APLP2: variants seen among roughly 807,000 people sequenced by gnomAD.
The protein encoded by APLP2 is CDEI box-binding protein.
Under a neutral mutation model 89.9 loss-of-function variants are expected in APLP2, and 53 were observed. That is an observed-to-expected ratio of 0.59 (90% CI 0.47 to 0.74). APLP2 has a LOEUF of 0.74. Ranked by LOEUF, APLP2 falls within the 30% of genes least tolerant of loss-of-function variation. APLP2 has a pLI of 0.00. For synonymous variants in APLP2, 372 were observed against 348.6 expected (o/e 1.07, Z -0.75); for missense variants, 973 against 975.9 (o/e 1.00, Z 0.04).
chr11:130,106,544 G>A (rs1484038545), intron 1 of APLP2, among the ~76,000 whole-genome samples: 1 of 152,126 alleles, frequency 6.6e-6, no homozygotes, highest in Non-Finnish European at 1.5e-5. Context: ...TTCTTGGTCT[G>A]CAGACTCTTG....
rs150304194 is a variant in APLP2 at position 130,119,748 on chromosome 11, A to G, written c.404-958A>G. ...ATGTATATTTTTGTGTTGCTAAACC[A>G]TTTGAAAGTAAGTTGGGATATCACG... On this transcript the variant is annotated intron_variant, in intron 3 of 16. Transcript: ENST00000338167. 1.6e-3 allele frequency among the ~76,000 whole-genome samples: 241 copies of G among 152,334 alleles called. 1 individual carries two copies. Among genetic ancestry groups the G allele is most frequent in the African/African-American group, 5.5e-3 (230 of 41,562 alleles).
At chr11:130,122,136 C>A (rs537056830) in intron 5 of APLP2, among the ~76,000 whole-genome samples, 169 bp from the exon 6 acceptor site, 74 of 152,312 alleles carry the variant, frequency 4.9e-4, no homozygotes, top group Admixed American at 1.3e-3. Flanking sequence ...TTCACAAATA[C>A]TTCCCGTTTG....
chr11:130,081,106 C>G (rs985803148), intron 1 of APLP2, among the ~76,000 whole-genome samples: 14 of 151,678 alleles, frequency 9.2e-5, no homozygotes, highest in African/African-American at 3.4e-4. Context: ...AAAAACAAAC[C>G]CCCCCAAAAA....
intron 3 of APLP2, among the ~76,000 whole-genome samples, chr11:130,115,722 T>C (rs141173538): frequency 1.6e-4 from 25 of 152,352 alleles, no homozygotes; most frequent in African/African-American, 6.0e-4. Flanking sequence ...TTCAATGTTC[T>C]GTAAAACAGA....
At chr11:130,070,478 G>T in intron 1 of APLP2, 2 of 1,089,254 alleles carry the variant, frequency 1.8e-6, no homozygotes, top group African/African-American at 1.7e-5. Flanking sequence ...GCTTTCTCCA[G>T]GGGCGGCCCC....
At chr11:130,113,143 G>T (rs1024415282) in intron 3 of APLP2, among the ~76,000 whole-genome samples, 2 of 152,192 alleles carry the variant, frequency 1.3e-5, no homozygotes, top group African/African-American at 4.8e-5. Context: ...CTTGCCAGCA[G>T]CGACCCTGTT....
intron 1 of APLP2, chr11:130,070,652 C>A: frequency 5.4e-6 from 8 of 1,470,928 alleles, no homozygotes; most frequent in Non-Finnish European, 7.2e-6. Context: ...CCAGGCCGCC[C>A]GCTGCTCCCT....
rs779483094 is a variant in APLP2 at position 130,142,218 on chromosome 11, C to T, written c.2154+144C>T. On this transcript the variant is annotated intron_variant, in intron 16 of 16. Coordinates refer to ENST00000338167, the MANE Select transcript of APLP2 (RefSeq NM_001142276.2). ...TCAGTTACTCACTGGATTCCTAGGTCGTGTTTTTGGAAATCAGCCCCTGCC... is the reference window on the plus strand; with the variant it reads ...TCAGTTACTCACTGGATTCCTAGGTTGTGTTTTTGGAAATCAGCCCCTGCC... 30 of 1,010,694 alleles carry T rather than the reference C, an allele frequency of 3.0e-5. No individual in the cohort carries two copies. In the African/African-American group the frequency reaches 3.3e-4, roughly 11 times the overall value. The allele number at this position is 1,010,694 out of a possible 1,614,324, so 62.6% of individuals were successfully genotyped here. A position where few individuals can be genotyped will look rare whatever the true frequency, so the allele number is the denominator to read the frequency against.
intron 3 of APLP2, among the ~76,000 whole-genome samples, chr11:130,117,947 C>T (rs1334115009): frequency 1.3e-5 from 2 of 152,096 alleles, no homozygotes; most frequent in Non-Finnish European, 2.9e-5. Flanking sequence ...CGTGGTGGCA[C>T]GTGCCTGTAG....
At chr11:130,116,482 C>CTT (rs1021730956) in intron 3 of APLP2, among the ~76,000 whole-genome samples, 9 of 151,798 alleles carry the variant, frequency 5.9e-5, no homozygotes, top group African/African-American at 2.2e-4. Flanking sequence ...GGGTGTGTAT[C>CTT]TTTTTCTTTT....
At chr11:130,089,013 A>T (rs1034047384) in intron 1 of APLP2, among the ~76,000 whole-genome samples, 4 of 152,096 alleles carry the variant, frequency 2.6e-5, no homozygotes, top group Admixed American at 2.6e-4. Flanking sequence ...TTCCAGTATG[A>T]TGCCACTCAA....
intron 13 of APLP2, among the ~76,000 whole-genome samples, chr11:130,138,112 C>T (rs960729774): frequency 4.6e-5 from 7 of 152,198 alleles, no homozygotes; most frequent in African/African-American, 1.7e-4. Flanking sequence ...CGGGATCCCC[C>T]AGGTGGGTGG....
chr11:130,086,888 C>T (rs772806309), intron 1 of APLP2, among the ~76,000 whole-genome samples: 6 of 152,054 alleles, frequency 3.9e-5, no homozygotes, highest in Non-Finnish European at 5.9e-5. Context: ...ACTGTAGCTT[C>T]GTAGTAAGTT....
At chr11:130,103,981 A>T (rs1424994525) in intron 1 of APLP2, among the ~76,000 whole-genome samples, 1 of 152,150 alleles carries the variant, frequency 6.6e-6, no homozygotes, top group Non-Finnish European at 1.5e-5. Flanking sequence ...TGGGCTTTTC[A>T]TATACGTATT....
chr11:130,073,094 C>A (rs1271735770), intron 1 of APLP2, among the ~76,000 whole-genome samples: 1 of 152,134 alleles, frequency 6.6e-6, no homozygotes. Flanking sequence ...TTTATGAAAT[C>A]TAAATGTAGA....
chr11:130,106,434 C>A (rs1224759978), intron 1 of APLP2, among the ~76,000 whole-genome samples: 1 of 152,192 alleles, frequency 6.6e-6, no homozygotes, highest in Non-Finnish European at 1.5e-5. Context: ...TCAGTCGGTT[C>A]TTCACCGTGC....
At chr11:130,136,146 G>C (rs908056126) in intron 13 of APLP2, among the ~76,000 whole-genome samples, 2 of 152,162 alleles carry the variant, frequency 1.3e-5, no homozygotes, top group African/African-American at 4.8e-5. Flanking sequence ...ATAAGAAGCT[G>C]TTCCTCTGGG....
chr11:130,113,471 T>G (rs1948828075), intron 3 of APLP2, among the ~76,000 whole-genome samples: 1 of 152,222 alleles, frequency 6.6e-6, no homozygotes, highest in East Asian at 1.9e-4. Flanking sequence ...TACCCCAGCA[T>G]CCATTTGGAC....
rs547725299 is a variant in APLP2, at chr11:130,140,394, A to G, written c.1838-4A>G. 1.1e-4 allele frequency: 170 copies of G among 1,600,932 alleles called. 2 individuals are homozygous for G. In the South Asian group the frequency reaches 1.8e-3, roughly 17 times the overall value. The stretch of plus-strand genomic sequence containing the variant: ...GAACTCAGCCATGATCTCTCTCCAC[A>G]CAGGATCTGGAGTGGGAGAGCAGGA... On this transcript the variant is annotated splice_polypyrimidine_tract_variant and splice_region_variant and intron_variant, in intron 13 of 16. Coordinates refer to ENST00000338167, the MANE Select transcript of APLP2 (RefSeq NM_001142276.2).
Sources: gnomAD v4.1 joint callset for allele counts (sites outside exome capture counted in the v4.1 genomes callset) on GRCh38, gnomAD v4.1.1 for gene constraint, MANE v1.5 for transcripts, NCBI Gene and HGNC (gene_info 2026-07-23, HGNC 2026-07-21) for gene names.